The following APBA2 variants were observed in gnomAD, a reference collection of about 807,000 sequenced individuals.
APBA2 encodes the protein amyloid beta precursor protein binding family A member 2.
In APBA2, 30 loss-of-function variants were observed where a neutral mutation model predicts 75.0. That is an observed-to-expected ratio of 0.40 (90% CI 0.30 to 0.54). APBA2 has a LOEUF of 0.54. Ranked by LOEUF, APBA2 falls within the 20% of genes least tolerant of loss-of-function variation. APBA2 has a pLI of 0.49. For missense variants in APBA2, 801 were observed against 1,016.1 expected (o/e 0.79, Z 2.88); for synonymous variants, 444 against 409.6 (o/e 1.08, Z -1.01).
intron 6 of APBA2, among the ~76,000 whole-genome samples, chr15:29,087,647 G>A (rs142282807): frequency 6.6e-6 from 1 of 152,160 alleles, no homozygotes; most frequent in Non-Finnish European, 1.5e-5. Flanking sequence ...CTGGAGAGTC[G>A]GGCCTGGAGG....
chr15:29,011,272 A>G (rs1389797791), intron 3 of APBA2, among the ~76,000 whole-genome samples: 1 of 152,334 alleles, frequency 6.6e-6, no homozygotes, highest in African/African-American at 2.4e-5. Context: ...TTCCTTGGCC[A>G]TGATGAATAG....
intron 4 of APBA2, among the ~76,000 whole-genome samples, chr15:29,064,086 G>A (rs931700652): frequency 6.6e-6 from 1 of 152,156 alleles, no homozygotes; most frequent in African/African-American, 2.4e-5. Context: ...GGCAACAGCT[G>A]CACAGCCCCA....
intron 4 of APBA2, among the ~76,000 whole-genome samples, chr15:29,062,261 G>A (rs1213801528): frequency 2.6e-5 from 4 of 152,146 alleles, no homozygotes; most frequent in African/African-American, 7.2e-5. Context: ...TGCATACGGG[G>A]AGGCTGCACG....
chr15:28,939,263 C>A (rs2035052239), intron 2 of APBA2, among the ~76,000 whole-genome samples: 1 of 152,210 alleles, frequency 6.6e-6, no homozygotes, highest in Non-Finnish European at 1.5e-5. Flanking sequence ...TCTTCTGCTG[C>A]TGGACACGTG....
At chr15:28,962,440 G>A (rs555721321) in intron 2 of APBA2, among the ~76,000 whole-genome samples, 2 of 152,130 alleles carry the variant, frequency 1.3e-5, no homozygotes, top group Non-Finnish European at 2.9e-5. Context: ...ATGGTGGCGG[G>A]CGCCTGTAGT....
At chr15:28,942,424 A>G (rs2035284094) in intron 2 of APBA2, among the ~76,000 whole-genome samples, 1 of 147,096 alleles carries the variant, frequency 6.8e-6, no homozygotes, top group Admixed American at 6.6e-5. Context: ...CCCATAAGGA[A>G]CTGTGTTGGG....
chr15:28,991,967 GC>G lies in APBA2; in HGVS notation c.-94-3784del, dbSNP rs1168643875. 6.6e-6 allele frequency among the ~76,000 whole-genome samples: 1 copy of G among 152,212 alleles called. No homozygotes were observed. The highest frequency in any genetic ancestry group is 6.5e-5 in the Admixed American group (1 of 15,284). On this transcript the variant is annotated intron_variant, in intron 2 of 14. Coordinates refer to ENST00000683413, the MANE Select transcript of APBA2 (RefSeq NM_001353788.2). This position sits in a 1 kb window ranked among gnomAD's most constrained non-coding sequence, Gnocchi z 4.7. ...TGGGAAATGCAGCCATAGCTCTGGG[GC>G]CAGCTAGAGGAAGGAGTGTGATTGT...
In APBA2 at chr15:28,984,876, T is replaced by TCC. The variant is rs530123659; in HGVS notation, c.-94-10872_-94-10871dup. On this transcript the variant is annotated intron_variant, in intron 2 of 14. Transcript: ENST00000683413. ...CTATCTCTCTCTCTCTCTCTCTCTC[T>TCC]CCCCCCACTGCCATCTCTGGGGGTT... Among the ~76,000 whole-genome samples the TCC allele has an allele frequency of 1.8e-3, 223 of 121,934 alleles. 1 individual carries two copies. Among genetic ancestry groups the TCC allele is most frequent in the African/African-American group, 9.3e-3 (220 of 23,700 alleles). 80.0% of individuals were successfully genotyped at this position (121,934 alleles called of 152,430 possible).
chr15:28,996,993 G>A (rs1003581891), intron 3 of APBA2, among the ~76,000 whole-genome samples: 5 of 152,174 alleles, frequency 3.3e-5, no homozygotes, highest in Non-Finnish European at 7.4e-5. Flanking sequence ...GCAGCACAAG[G>A]CCACAAGTGT....
chr15:29,114,989 AGT>A (rs1471965825), intron 14 of APBA2, among the ~76,000 whole-genome samples: 7 of 145,544 alleles, frequency 4.8e-5, no homozygotes, highest in African/African-American at 1.0e-4. Context: ...GTGTGAGGAG[AGT>A]GTGAGTGGGT....
At chr15:29,113,356 G>T (rs1420739412) in intron 13 of APBA2, among the ~76,000 whole-genome samples, 1 of 151,944 alleles carries the variant, frequency 6.6e-6, no homozygotes. Flanking sequence ...CTTGGCGGGG[G>T]GGGGATGTAG....
At chr15:29,105,617 T>C in intron 11 of APBA2, 59 bp downstream of exon 11, 1 of 1,593,070 alleles carries the variant, frequency 6.3e-7, no homozygotes, top group Non-Finnish European at 8.6e-7. Context: ...CTCCCTGAGC[T>C]CCTGCAGAGC....
chr15:29,039,396 G>A (rs1251837020), intron 3 of APBA2, among the ~76,000 whole-genome samples: 2 of 152,036 alleles, frequency 1.3e-5, no homozygotes, highest in Admixed American at 1.3e-4. Context: ...CTGGCATCCA[G>A]CTCCCCATCA....
chr15:28,932,092 A>G (rs1251208768), intron 2 of APBA2, among the ~76,000 whole-genome samples: 5 of 152,326 alleles, frequency 3.3e-5, no homozygotes, highest in Non-Finnish European at 5.9e-5. Flanking sequence ...ACCTGGTGTC[A>G]GGATCACTGT....
Position 28,918,169 on chromosome 15 carries a change from C to T in APBA2, c.-204-3471C>T, listed in dbSNP as rs543304738. Among the ~76,000 whole-genome samples, 2 of 152,310 alleles carry T rather than the reference C, an allele frequency of 1.3e-5. No homozygotes were observed. The highest frequency in any genetic ancestry group is 2.1e-4 in the South Asian group (1 of 4,832). On this transcript the variant is annotated intron_variant, in intron 1 of 14. Coordinates refer to ENST00000683413, the MANE Select transcript of APBA2 (RefSeq NM_001353788.2). This position sits in a 1 kb window ranked among gnomAD's most constrained non-coding sequence, Gnocchi z 4.2. ...AGGTGGTCTGCTTTGAGTTTTGCAG[C>T]GTTGCCTGCGGTCTCCGTGGGTGAG...
chr15:29,109,723 C>T (rs546534551), intron 13 of APBA2, among the ~76,000 whole-genome samples: 1 of 152,314 alleles, frequency 6.6e-6, no homozygotes, highest in Admixed American at 6.5e-5. Context: ...GCATCGCCAG[C>T]GTCAGCCATA....
chr15:29,073,127 T>G (rs969200019), intron 4 of APBA2, among the ~76,000 whole-genome samples: 2 of 152,108 alleles, frequency 1.3e-5, no homozygotes, highest in African/African-American at 4.8e-5. Flanking sequence ...TCCTTTAATT[T>G]TTCTCAAAAC....
chr15:29,058,564 T>G (rs1005818494), intron 4 of APBA2, among the ~76,000 whole-genome samples: 1 of 151,916 alleles, frequency 6.6e-6, no homozygotes, highest in African/African-American at 2.4e-5. Context: ...AAGTAGGTTG[T>G]GTGGCCTTTG....
chr15:29,054,232 C>T lies in APBA2; in HGVS notation c.348C>T (p.Cys116=). 1 of 1,614,144 alleles carries T rather than the reference C, an allele frequency of 6.2e-7. No individual in the cohort carries two copies. Among genetic ancestry groups the T allele is most frequent in the Non-Finnish European group, 8.5e-7 (1 of 1,180,024 alleles). Residue 116 remains cysteine (C), a synonymous_variant, in exon 4 of 15, where the codon TGC becomes TGT. Transcript: ENST00000683413. The surrounding 1 kb of genome is among the most constrained non-coding windows in gnomAD (Gnocchi z 6.1). Reference sequence around the variant, plus strand: ...ACAGCTACCTAGAGGGCATGGACTGCAACGGGGAGGAGTACCTGGCCCACA... The same window carrying T: ...ACAGCTACCTAGAGGGCATGGACTGTAACGGGGAGGAGTACCTGGCCCACA... The part of the protein sequence containing the change: ...EDDSYLEGMD[C]NGEEYLAHSA...
Sources: gnomAD v4.1 joint callset for allele counts (sites outside exome capture counted in the v4.1 genomes callset) on GRCh38, gnomAD v4.1.1 for gene constraint, Gnocchi (gnomAD v3.1) non-coding constraint, MANE v1.5 for transcripts, NCBI Gene and HGNC (gene_info 2026-07-23, HGNC 2026-07-21) for gene names.